SLC66A2: variants seen among roughly 807,000 people sequenced by gnomAD.
SLC66A2 encodes the protein PQ loop repeat containing 1.
SLC66A2 carries 23 observed loss-of-function variants against 25.5 expected under a neutral mutation model. The observed-to-expected ratio is 0.90, with a 90% confidence interval of 0.65 to 1.28. The LOEUF (loss-of-function observed/expected upper bound fraction) is 1.28, where lower values mean the gene tolerates loss of function less well. Ranked by LOEUF, SLC66A2 falls within the 50% of genes most tolerant of loss-of-function variation. The pLI is 0.00. For synonymous variants in SLC66A2, 193 were observed against 166.5 expected (o/e 1.16, Z -1.23); for missense variants, 396 against 373.1 (o/e 1.06, Z -0.51).
chr18:79,909,274 G>A (rs1982576648), intron 5 of SLC66A2, among the ~76,000 whole-genome samples: 1 of 152,184 alleles, frequency 6.6e-6, no homozygotes, highest in Admixed American at 6.5e-5. Flanking sequence ...ACTGGGACTT[G>A]AGCAGTCAAC....
At chr18:79,922,814 G>A (rs1191622340) in intron 4 of SLC66A2, among the ~76,000 whole-genome samples, 5 of 145,688 alleles carry the variant, frequency 3.4e-5, no homozygotes, top group African/African-American at 1.0e-4. Context: ...GGTGCTGAGG[G>A]GTGAGGATAG....
At position 79,919,309 on chromosome 18, in the gene SLC66A2, G is replaced by A. The variant is rs767377080; in HGVS notation, c.483C>T (p.Thr161=). ...LAFTGVAGYI[T]YLSIDSALFV... The stretch of plus-strand genomic sequence containing the variant: ...ACAGGGCGGAGTCAATGGACAGGTA[G>A]GTGATGTAGCCCGCCACGCCCGTGA... Residue 161 remains threonine (T), a synonymous_variant, in exon 5 of 6, where the codon ACC becomes ACT. Coordinates refer to ENST00000397778, the MANE Select transcript of SLC66A2 (RefSeq NM_025078.5). The A allele has an allele frequency of 1.2e-6, 2 of 1,613,316 alleles. No homozygotes were observed. Among genetic ancestry groups the A allele is most frequent in the Admixed American group, 1.7e-5 (1 of 60,030 alleles).
Position 79,925,412 on chromosome 18 carries a change from G to A in SLC66A2, c.392-6012C>T, listed in dbSNP as rs554968197. On this transcript the variant is annotated intron_variant, in intron 4 of 5. Transcript: ENST00000397778. ...GCAGACTCACACGCCGTGACTTCCCGAGATGTGTTTCTAGAGAGCGGCACC... is the reference window on the plus strand; with the variant it reads ...GCAGACTCACACGCCGTGACTTCCCAAGATGTGTTTCTAGAGAGCGGCACC... Among the ~76,000 whole-genome samples, 11 of 152,342 alleles carry A rather than the reference G, an allele frequency of 7.2e-5. No homozygotes were observed. In the East Asian group the frequency reaches 1.5e-3, roughly 21 times the overall value.
At chr18:79,938,098 A>G (rs1301893950) in intron 3 of SLC66A2, among the ~76,000 whole-genome samples, 1 of 151,184 alleles carries the variant, frequency 6.6e-6, no homozygotes, top group Non-Finnish European at 1.5e-5. Flanking sequence ...ATGAGCTTTG[A>G]TAACACCACT....
chr18:79,922,282 GAAAAAAA>G (rs147083635), intron 4 of SLC66A2, among the ~76,000 whole-genome samples: 69 of 102,802 alleles, frequency 6.7e-4, no homozygotes, highest in African/African-American at 2.9e-3. Context: ...TCTTTGAAAA[GAAAAAAA>G]AAAAAAAAAA....
rs551360523 is a variant in SLC66A2 at position 79,913,530 on chromosome 18, T to A, written c.608+5654A>T. Among the ~76,000 whole-genome samples the A allele has an allele frequency of 2.4e-4, 36 of 152,248 alleles. 1 individual carries two copies. Among genetic ancestry groups the A allele is most frequent in the Non-Finnish European group, 7.3e-5 (5 of 68,048 alleles). On this transcript the variant is annotated intron_variant, in intron 5 of 5. Transcript: ENST00000397778. ...CCACGTAGTATTTTCTAAAGGGAAG[T>A]CACTGTTCAAAAATGCCTCCGGCAG...
chr18:79,922,109 C>G (rs1347551614), intron 4 of SLC66A2, among the ~76,000 whole-genome samples: 1 of 151,772 alleles, frequency 6.6e-6, no homozygotes, highest in Admixed American at 6.6e-5. Flanking sequence ...TGATCATGCC[C>G]CCCTGAAGGA....
At chr18:79,916,042 C>T (rs1381049604) in intron 5 of SLC66A2, 1 of 217,814 alleles carries the variant, frequency 4.6e-6, no homozygotes, top group African/African-American at 2.4e-5. Context: ...ACCCACGGTG[C>T]TCCCGTACCC....
chr18:79,924,417 G>C (rs970787045), intron 4 of SLC66A2, among the ~76,000 whole-genome samples: 14 of 152,168 alleles, frequency 9.2e-5, no homozygotes, highest in Non-Finnish European at 1.6e-4. Flanking sequence ...CGTCGGGGCT[G>C]GGGGAAGACG....
intron 5 of SLC66A2, among the ~76,000 whole-genome samples, chr18:79,908,544 ATGTT>A (rs1469808313): frequency 2.6e-5 from 4 of 152,276 alleles, no homozygotes; most frequent in South Asian, 2.1e-4. Context: ...TCTTACATCT[ATGTT>A]TGTCTTTCAC....
At chr18:79,907,496 C>T (rs1321740273) in intron 5 of SLC66A2, among the ~76,000 whole-genome samples, 5 of 151,682 alleles carry the variant, frequency 3.3e-5, no homozygotes, top group African/African-American at 9.7e-5. Context: ...GGACTACAGG[C>T]GCCCGCCACC....
chr18:79,918,383 G>A lies in SLC66A2; in HGVS notation c.608+801C>T, dbSNP rs930389774. On this transcript the variant is annotated intron_variant, in intron 5 of 5. Coordinates refer to ENST00000397778, the MANE Select transcript of SLC66A2 (RefSeq NM_025078.5). The surrounding 1 kb of genome is among the most constrained non-coding windows in gnomAD (Gnocchi z 4.0). ...GCTCAGGGTGTTCTCCGTGAGGAGC[G>A]GGCACCGGGGGGCGGATCCCCAGTG... Among the ~76,000 whole-genome samples, 11 of 149,130 alleles carry A rather than the reference G, an allele frequency of 7.4e-5. No homozygotes were observed. The highest frequency in any genetic ancestry group is 6.7e-5 in the Admixed American group (1 of 14,966).
chr18:79,932,755 T>G (rs991773758), intron 4 of SLC66A2, among the ~76,000 whole-genome samples: 15 of 152,140 alleles, frequency 9.9e-5, no homozygotes, highest in Non-Finnish European at 1.9e-4. Flanking sequence ...CAAAACTGAC[T>G]TACAAAGAAA....
At chr18:79,926,583 A>G (rs1347732975) in intron 4 of SLC66A2, among the ~76,000 whole-genome samples, 1 of 152,152 alleles carries the variant, frequency 6.6e-6, no homozygotes, top group Non-Finnish European at 1.5e-5. Context: ...CCCCAGAGCC[A>G]CAGGGTGCCT....
intron 5 of SLC66A2, among the ~76,000 whole-genome samples, chr18:79,914,385 C>T (rs534282127): frequency 2.0e-5 from 3 of 152,346 alleles, no homozygotes; most frequent in Admixed American, 6.5e-5. Context: ...GGGGATACCA[C>T]GACGCCCCCA....
chr18:79,904,305 G>A lies in SLC66A2; in HGVS notation c.609-122C>T. 1 of 881,708 alleles carries A rather than the reference G, an allele frequency of 1.1e-6. No homozygotes were observed. Among genetic ancestry groups the A allele is most frequent in the Non-Finnish European group, 1.8e-6 (1 of 551,750 alleles). 54.6% of individuals were successfully genotyped at this position (881,708 alleles called of 1,614,324 possible). A position where few individuals can be genotyped will look rare whatever the true frequency, so the allele number is the denominator to read the frequency against. ...GGCTCAGGGGCACCCAGGGGGCTAA[G>A]GGGACCCCCAGGCAGTCGGCGGGGA... On this transcript the variant is annotated intron_variant, in intron 5 of 5. Transcript: ENST00000397778. This position sits in a 1 kb window ranked among gnomAD's most constrained non-coding sequence, Gnocchi z 6.3.
rs549473974 is a variant in SLC66A2, at chr18:79,917,457, C to G, written c.608+1727G>C. Among the ~76,000 whole-genome samples the G allele has an allele frequency of 6.6e-6, 1 of 152,310 alleles. No individual in the cohort carries two copies. The highest frequency in any genetic ancestry group is 2.4e-5 in the African/African-American group (1 of 41,574). On this transcript the variant is annotated intron_variant, in intron 5 of 5. Transcript: ENST00000397778. The surrounding 1 kb of genome is among the most constrained non-coding windows in gnomAD (Gnocchi z 6.0). ...GGCTGTGGTGATGCTCTGGAGGGCA[C>G]AGGCCTGGCACCCAGGCACCTCCCA...
At chr18:79,943,609 T>C (rs1329986953) in intron 2 of SLC66A2, 147 bp from the exon 3 acceptor site, 6 of 892,460 alleles carry the variant, frequency 6.7e-6, no homozygotes, top group Non-Finnish European at 9.8e-6. Context: ...AGAGACCCTG[T>C]GTCAGGCCCA....
chr18:79,943,716 G>T, intron 2 of SLC66A2: 1 of 414,394 alleles, frequency 2.4e-6, no homozygotes, highest in South Asian at 3.3e-5. Context: ...CAAACCTGCA[G>T]CAGGAAAGAT....
Sources: allele counts gnomAD v4.1 joint callset (sites outside exome capture counted in the v4.1 genomes callset), GRCh38; gene constraint gnomAD v4.1.1; non-coding constraint Gnocchi (gnomAD v3.1); transcripts MANE v1.5; gene names NCBI Gene and HGNC (gene_info 2026-07-23, HGNC 2026-07-21).